The following BTBD7 variants were observed in gnomAD, a reference collection of about 807,000 sequenced individuals.
BTBD7 encodes the protein BTB domain containing 7, also known as BTB/POZ domain-containing protein 7.
Under a neutral mutation model 99.9 loss-of-function variants are expected in BTBD7, and 38 were observed. That is an observed-to-expected ratio of 0.38 (90% confidence interval 0.29 to 0.50). The LOEUF is 0.50. Ranked by LOEUF, BTBD7 falls within the 20% of genes least tolerant of loss-of-function variation. The pLI is 0.93. For synonymous variants in BTBD7, 520 were observed against 511.4 expected (o/e 1.02, Z -0.23); for missense variants, 1,170 against 1,394.6 (o/e 0.84, Z 2.57).
At chr14:93,292,281 T>C (rs978509752) in intron 3 of BTBD7, among the ~76,000 whole-genome samples, 6 of 152,260 alleles carry the variant, frequency 3.9e-5, no homozygotes, top group Admixed American at 3.3e-4. Flanking sequence ...AAAATAAAAA[T>C]ATTTTGAGAA....
chr14:93,242,610 T>G lies in BTBD7; in HGVS notation c.3062A>C (p.Lys1021Thr), dbSNP rs759169248. Residue 1021 changes from lysine (K) to threonine (T), a missense_variant, in exon 11 of 11, where the codon AAG (lysine) becomes ACG (threonine). Coordinates refer to ENST00000334746, the MANE Select transcript of BTBD7 (RefSeq NM_001002860.4). Reference sequence around the variant, plus strand: ...GACATCCAGGTGTATCGGCTCATTCTTTTGTCTGTGTAGATGCCCGTCAGG... The same window carrying G: ...GACATCCAGGTGTATCGGCTCATTCGTTTGTCTGTGTAGATGCCCGTCAGG... ...LSPDGHLHRQ[K>T]NEPIHLDVVE... 6.2e-7 allele frequency: 1 copy of G among 1,614,204 alleles called. No individual in the cohort carries two copies. The highest frequency in any genetic ancestry group is 1.7e-5 in the Admixed American group (1 of 60,030).
At chr14:93,321,145 C>T (rs2053264784) in intron 1 of BTBD7, among the ~76,000 whole-genome samples, 2 of 152,164 alleles carry the variant, frequency 1.3e-5, no homozygotes, top group Admixed American at 1.3e-4. Context: ...CATTTACTGA[C>T]ACACTACATG....
In BTBD7 at chr14:93,263,851, A is replaced by G. The variant is rs749863335; in HGVS notation, c.1305T>C (p.Thr435=). 1.2e-6 allele frequency: 2 copies of G among 1,614,126 alleles called. No homozygotes were observed. Among genetic ancestry groups the G allele is most frequent in the Admixed American group, 3.3e-5 (2 of 60,028 alleles). Residue 435 remains threonine, a synonymous_variant, in exon 4 of 11, where the codon ACT becomes ACC. Transcript: ENST00000334746. Reference sequence around the variant, plus strand: ...TGCTGAGTTCATAAAAAACATCCGAAGTCATGACCTGGGAAAATTCCTCAC... The same window carrying G: ...TGCTGAGTTCATAAAAAACATCCGAGGTCATGACCTGGGAAAATTCCTCAC... ...FLCEEFSQVM[T]SDVFYELSKD...
intron 3 of BTBD7, chr14:93,288,303 A>G (rs1486516806): frequency 1.7e-6 from 1 of 582,882 alleles, no homozygotes; most frequent in African/African-American, 1.9e-5. Flanking sequence ...ACCCTGGATG[A>G]ATACTCTAGT....
At chr14:93,331,879 T>TCCCCA (rs142778268) in intron 1 of BTBD7, among the ~76,000 whole-genome samples, 2 of 133,116 alleles carry the variant, frequency 1.5e-5, no homozygotes, top group African/African-American at 3.4e-5. Context: ...AGACTCCGTC[T>TCCCCA]CCCCCCCCCC....
intron 3 of BTBD7, 59 bp from the exon 4 acceptor site, chr14:93,264,052 A>G (rs983007513): frequency 6.2e-5 from 91 of 1,463,528 alleles, no homozygotes; most frequent in Non-Finnish European, 8.3e-5. Context: ...ATTGAACATT[A>G]GTGTGCTAGG....
intron 5 of BTBD7, 52 bp from the exon 6 acceptor site, chr14:93,257,407 A>T (rs572549202): frequency 2.6e-6 from 4 of 1,551,406 alleles, no homozygotes; most frequent in Non-Finnish European, 3.5e-6. Flanking sequence ...GTTCTGAGAC[A>T]GGTTTCCTTT....
rs779941739 is a variant in BTBD7 at position 93,294,051 on chromosome 14, T to C, written c.969A>G (p.Lys323=). The C allele has an allele frequency of 1.2e-6, 2 of 1,613,652 alleles. No homozygotes were observed. Among genetic ancestry groups the C allele is most frequent in the Non-Finnish European group, 1.7e-6 (2 of 1,179,748 alleles). ...IILDESIIPK[K]YATVILHCMY... is the part of the protein sequence containing the mutation. Reference sequence around the variant, plus strand: ...TACAGTGTAATATCACTGTTGCATATTTTTTTGGTATAATGGACTCATCTA... The same window carrying C: ...TACAGTGTAATATCACTGTTGCATACTTTTTTGGTATAATGGACTCATCTA... Residue 323 remains lysine (K), a synonymous_variant, in exon 3 of 11, where the codon AAA becomes AAG. Transcript: ENST00000334746.
rs762754430 is a variant in BTBD7, at chr14:93,246,037, G to A, written c.2371C>T (p.Arg791Cys). 2.2e-5 allele frequency: 35 copies of A among 1,611,456 alleles called. No homozygotes were observed. The highest frequency in any genetic ancestry group is 2.7e-5 in the African/African-American group (2 of 74,230). ...KQRPPSQHPS[R>C]SFSYPCNHSL... ...TGATTACAGGGATAAGAAAATGAAC[G>A]TGAAGGGTGCTGACTGGGAGGTCTT... The change falls in exon 10 of 11, where the codon CGT becomes TGT. Residue 791 changes from arginine to cysteine, a missense_variant. By Grantham distance (180) the Arg-to-Cys change is radical (BLOSUM62 -3). Transcript: ENST00000334746.
Position 93,294,613 on chromosome 14 carries a change from T to A in BTBD7, c.407A>T (p.Tyr136Phe), listed in dbSNP as rs773495984. Residue 136 changes from tyrosine (Y) to phenylalanine (F), a missense_variant, in exon 3 of 11, where the codon TAT becomes TTT. By Grantham distance (22) the Tyr-to-Phe change is conservative (BLOSUM62 3). Transcript: ENST00000334746. ...TACATCAGTACAATACTTGTACTCA[T>A]AAAGATCAGCCATATCTTTCTGCAA... ...RTLQKDMADL[Y>F]EYKYCTDVDL... The A allele has an allele frequency of 2.8e-5, 45 of 1,613,944 alleles. No homozygotes were observed. The highest frequency in any genetic ancestry group is 3.5e-5 in the Non-Finnish European group (41 of 1,180,036).
chr14:93,295,046 T>C (rs758947109), intron 2 of BTBD7, 109 bp from the exon 3 acceptor site: 158 of 1,047,584 alleles, frequency 1.5e-4, no homozygotes, highest in Non-Finnish European at 1.9e-4. Flanking sequence ...ACCGAACCAC[T>C]CAAAATTGCA....
chr14:93,322,472 T>C (rs2053281046), intron 1 of BTBD7, among the ~76,000 whole-genome samples: 1 of 151,852 alleles, frequency 6.6e-6, no homozygotes, highest in African/African-American at 2.4e-5. Flanking sequence ...ACTATTACTA[T>C]TGCTTGATTT....
In BTBD7 at chr14:93,295,242, C is replaced by T. The variant is rs149914643; in HGVS notation, c.83-305G>A. ...TCCCCAACCTCAGCTTCCCAAGTAG[C>T]TGGGAGTATAGGCATGTGCCACCAT... On this transcript the variant is annotated intron_variant, in intron 2 of 10. Transcript: ENST00000334746. 5.9e-3 allele frequency among the ~76,000 whole-genome samples: 893 copies of T among 152,242 alleles called. 12 individuals are homozygous for T. In the Middle Eastern group the frequency reaches 0.061, roughly 10 times the overall value.
intron 1 of BTBD7, among the ~76,000 whole-genome samples, chr14:93,331,738 G>A (rs1365564453): frequency 6.6e-6 from 1 of 152,122 alleles, no homozygotes; most frequent in East Asian, 1.9e-4. Flanking sequence ...AAAACTAGCC[G>A]GGCGTGGCAG....
At chr14:93,308,568 A>T (rs2053099309) in intron 1 of BTBD7, among the ~76,000 whole-genome samples, 1 of 152,228 alleles carries the variant, frequency 6.6e-6, no homozygotes, top group Admixed American at 6.5e-5. Flanking sequence ...TTCATAGCAA[A>T]ATTATTCACA....
intron 1 of BTBD7, among the ~76,000 whole-genome samples, chr14:93,311,254 A>G (rs1428339966): frequency 6.6e-6 from 1 of 152,076 alleles, no homozygotes; most frequent in African/African-American, 2.4e-5. Flanking sequence ...GGTTCCTGAG[A>G]CCTTATGACA....
chr14:93,316,219 T>G (rs1269572413), intron 1 of BTBD7, among the ~76,000 whole-genome samples: 1 of 151,292 alleles, frequency 6.6e-6, no homozygotes, highest in Non-Finnish European at 1.5e-5. Context: ...CTCCCCAAAG[T>G]GCTAGGATTA....
chr14:93,332,356 C>G (rs533156067), intron 1 of BTBD7: 1 of 152,718 alleles, frequency 6.5e-6, no homozygotes, highest in Admixed American at 6.5e-5. Flanking sequence ...TGCTCCCTTC[C>G]CAGACCCCGC....
chr14:93,292,230 T>C (rs1279981028), intron 3 of BTBD7, among the ~76,000 whole-genome samples: 1 of 151,976 alleles, frequency 6.6e-6, no homozygotes, highest in Admixed American at 6.6e-5. Context: ...TGCTTTCTCA[T>C]ACAAAGTCTA....
Sources: gnomAD v4.1 joint callset for allele counts (sites outside exome capture counted in the v4.1 genomes callset) on GRCh38, gnomAD v4.1.1 for gene constraint, MANE v1.5 for transcripts, NCBI Gene and HGNC (gene_info 2026-07-23, HGNC 2026-07-21) for gene names.